CFAP44: variants seen among roughly 807,000 people sequenced by gnomAD.
CFAP44 encodes cilia and flagella associated protein 44.
CFAP44 carries 134 observed loss-of-function variants against 216.2 expected under a neutral mutation model. The ratio of observed to expected loss-of-function variants is 0.62; its 90% CI spans 0.54 to 0.72. The LOEUF (loss-of-function observed/expected upper bound fraction) is 0.72, where lower values mean the gene tolerates loss of function less well. Among genes scored for constraint, CFAP44 ranks in the 30% least tolerant of loss-of-function variants. The pLI, the probability that CFAP44 is intolerant of heterozygous loss-of-function variation, is 0.00. For missense variants in CFAP44, 2,035 were observed against 2,182.1 expected, an observed-to-expected ratio of 0.93 and a Z score of 1.34; for synonymous variants, 700 against 727.6, an observed-to-expected ratio of 0.96 and a Z score of 0.61.
At chr3:113,389,721 G>A (rs896652570) in intron 15 of CFAP44, among the ~76,000 whole-genome samples, 1 of 152,052 alleles carries the variant, frequency 6.6e-6, no homozygotes, top group Admixed American at 6.6e-5. Context: ...AGGCTACTAT[G>A]AGCAACTTTA....
In CFAP44 at chr3:113,427,173, C is replaced by A. The variant is rs375404347; in HGVS notation, c.253+14G>T. On this transcript the variant is annotated intron_variant, in intron 3 of 34. Transcript: ENST00000393845. ...AACAGTGACAATTACTGACAGAAAA[C>A]TAATAATACCTACCTGTAGTGCTTT... 4.1e-5 allele frequency: 66 copies of A among 1,604,994 alleles called. No homozygotes were observed. The highest frequency in any genetic ancestry group is 5.4e-5 in the Non-Finnish European group (64 of 1,177,846).
At chr3:113,382,865 G>A (rs914378848) in intron 15 of CFAP44, among the ~76,000 whole-genome samples, 2 of 152,222 alleles carry the variant, frequency 1.3e-5, no homozygotes, top group South Asian at 2.1e-4. Context: ...AGTGAATTGG[G>A]AGCAAAAGGC....
At chr3:113,298,992 T>C (rs770673651) in intron 32 of CFAP44, among the ~76,000 whole-genome samples, 2 of 152,242 alleles carry the variant, frequency 1.3e-5, no homozygotes, top group South Asian at 2.1e-4. Context: ...AATGTTATGA[T>C]ATGTACATTT....
chr3:113,362,997 A>G, intron 21 of CFAP44, 148 bp downstream of exon 21: 1 of 1,380,990 alleles, frequency 7.2e-7, no homozygotes, highest in South Asian at 2.0e-5. Flanking sequence ...AAATTAAAAG[A>G]TGCCCAAAAT....
chr3:113,322,724 A>G (rs1385683058), intron 28 of CFAP44, among the ~76,000 whole-genome samples: 4 of 152,236 alleles, frequency 2.6e-5, no homozygotes, highest in African/African-American at 9.6e-5. Context: ...CAGCAATCCT[A>G]TTAGTGGGTA....
intron 22 of CFAP44, among the ~76,000 whole-genome samples, chr3:113,347,223 A>C (rs1374528622): frequency 6.6e-6 from 1 of 152,086 alleles, no homozygotes; most frequent in African/African-American, 2.4e-5. Context: ...CCGACTCTGG[A>C]GTTGGGAGCG....
chr3:113,415,554 T>C (rs1413401895), intron 6 of CFAP44, among the ~76,000 whole-genome samples: 1 of 152,224 alleles, frequency 6.6e-6, no homozygotes, highest in Non-Finnish European at 1.5e-5. Flanking sequence ...GAGATTCTGG[T>C]ATATCCTCTC....
At chr3:113,416,123 T>G (rs940600766) in intron 6 of CFAP44, among the ~76,000 whole-genome samples, 9 of 152,324 alleles carry the variant, frequency 5.9e-5, no homozygotes, top group South Asian at 2.1e-4. Flanking sequence ...CTTGTCTTTT[T>G]TGATTTGTGT....
chr3:113,323,461 A>G (rs940519369), intron 28 of CFAP44, among the ~76,000 whole-genome samples: 2 of 152,180 alleles, frequency 1.3e-5, no homozygotes, highest in East Asian at 1.9e-4. Context: ...ACTGCAGACT[A>G]TTAGAGTGGT....
In CFAP44 at chr3:113,363,793, T is replaced by G. The variant is rs192731659; in HGVS notation, c.2716-261A>C. ...ATCATATGTTTGCAAAATGTTAATA[T>G]CCCCATAATTTCCCCTCAAAATGTA... On this transcript the variant is annotated intron_variant, in intron 19 of 34. Coordinates refer to ENST00000393845, the MANE Select transcript of CFAP44 (RefSeq NM_001164496.2). Among the ~76,000 whole-genome samples, 36 of 152,234 alleles carry G rather than the reference T, an allele frequency of 2.4e-4. No homozygotes were observed. In the East Asian group the frequency reaches 6.7e-3, roughly 29 times the overall value.
intron 15 of CFAP44, among the ~76,000 whole-genome samples, chr3:113,387,642 C>T (rs1933684883): frequency 6.6e-6 from 1 of 151,946 alleles, no homozygotes; most frequent in East Asian, 1.9e-4. Flanking sequence ...TGAGGAAGGA[C>T]TCCTTCTGCT....
intron 17 of CFAP44, among the ~76,000 whole-genome samples, chr3:113,375,457 T>A (rs1243223121): frequency 6.6e-6 from 1 of 151,996 alleles, no homozygotes; most frequent in Non-Finnish European, 1.5e-5. Context: ...ACAAAAAGGA[T>A]GGAAAATCTT....
chr3:113,309,990 A>C (rs565423128), intron 28 of CFAP44, among the ~76,000 whole-genome samples: 1 of 152,258 alleles, frequency 6.6e-6, no homozygotes, highest in African/African-American at 2.4e-5. Context: ...ACCAAACACC[A>C]CAGAAAAACT....
rs1199598073 is a variant in CFAP44 at position 113,304,024 on chromosome 3, G to C, written c.4969C>G (p.His1657Asp). 11 of 1,537,248 alleles carry C rather than the reference G, an allele frequency of 7.2e-6. No homozygotes were observed. The Admixed American group carries it at 7.8e-5, about 11-fold the overall frequency. Residue 1657 changes from histidine (H) to aspartate (D), a missense_variant, in exon 32 of 35, where the codon CAT (histidine) becomes GAT (aspartate). This residue lies in a region of CFAP44 where 1,883 missense variants were observed against 2,023.7 expected (regional missense o/e 0.93). Transcript: ENST00000393845. ...HALRRLQERIHELQEENSKQQ... is the reference protein window; with the variant it reads ...HALRRLQERIDELQEENSKQQ... The stretch of plus-strand genomic sequence containing the variant: ...TTGGAATTTTCCTCCTGGAGCTCAT[G>C]GATTCGTTCTTGCAGCCGTCTCAAG...
In CFAP44 at chr3:113,418,057, A is replaced by T. The variant is rs192290176; in HGVS notation, c.571-1430T>A. 4.7e-5 allele frequency among the ~76,000 whole-genome samples: 7 copies of T among 148,952 alleles called. No individual in the cohort carries two copies. In the East Asian group the frequency reaches 8.0e-4, roughly 17 times the overall value. On this transcript the variant is annotated intron_variant, in intron 5 of 34. Transcript: ENST00000393845. ...TTTATTTAATTATTTATTGAGACACAATTTATTTATTTATTTATTTATTTA... is the reference window on the plus strand; with the variant it reads ...TTTATTTAATTATTTATTGAGACACTATTTATTTATTTATTTATTTATTTA...
chr3:113,305,800 A>G (rs908325242), intron 30 of CFAP44, among the ~76,000 whole-genome samples: 1 of 152,204 alleles, frequency 6.6e-6, no homozygotes, highest in Non-Finnish European at 1.5e-5. Flanking sequence ...TGGGGTATAA[A>G]TTGAAAATGT....
intron 28 of CFAP44, among the ~76,000 whole-genome samples, chr3:113,320,474 AT>A (rs1559910371): frequency 8.0e-5 from 7 of 87,260 alleles, no homozygotes; most frequent in East Asian, 6.2e-4. Flanking sequence ...ATCATATATG[AT>A]ATATATGATA....
chr3:113,434,831 C>A (rs987679589), intron 1 of CFAP44: 3 of 152,194 alleles, frequency 2.0e-5, no homozygotes, highest in African/African-American at 7.2e-5. Context: ...GTTACTTAAA[C>A]TGCCACACTG....
intron 14 of CFAP44, 57 bp from the exon 15 acceptor site, chr3:113,395,917 G>A: frequency 7.6e-7 from 1 of 1,321,284 alleles, no homozygotes; most frequent in Non-Finnish European, 1.1e-6. Context: ...CTAGCCTATA[G>A]ATCACAAAAA....
Sources: allele counts gnomAD v4.1 joint callset (sites outside exome capture counted in the v4.1 genomes callset), GRCh38; gene constraint gnomAD v4.1.1; regional missense constraint gnomAD v4.1.1; transcripts MANE v1.5; gene names NCBI Gene and HGNC (gene_info 2026-07-23, HGNC 2026-07-21).